PTCHD4: variants seen among roughly 807,000 people sequenced by gnomAD.
The protein encoded by PTCHD4 is patched domain containing 4.
In PTCHD4, 33 loss-of-function variants were observed where a neutral mutation model predicts 58.1. That is an observed-to-expected ratio of 0.57 (90% CI 0.43 to 0.76). The LOEUF (loss-of-function observed/expected upper bound fraction) is 0.76, where lower values mean the gene tolerates loss of function less well. Ranked by LOEUF, PTCHD4 falls within the 30% of genes least tolerant of loss-of-function variation. The pLI, the probability that PTCHD4 is intolerant of heterozygous loss-of-function variation, is 0.00. For synonymous variants in PTCHD4, 478 were observed against 409.6 expected (o/e 1.17, Z -2.02); for missense variants, 1,058 against 1,027.1 (o/e 1.03, Z -0.41).
chr6:47,941,797 T>A (rs1055384240), intron 4 of PTCHD4, among the ~76,000 whole-genome samples: 2 of 152,186 alleles, frequency 1.3e-5, no homozygotes, highest in Non-Finnish European at 2.9e-5. Context: ...TAGAGGCTGA[T>A]ATATGTTTAC....
intron 4 of PTCHD4, among the ~76,000 whole-genome samples, chr6:47,925,769 G>A (rs538782452): frequency 3.9e-5 from 6 of 152,290 alleles, no homozygotes; most frequent in Admixed American, 2.0e-4. Context: ...GTCAGATGCA[G>A]TATTCTGCTT....
intron 4 of PTCHD4, among the ~76,000 whole-genome samples, chr6:47,915,004 T>G (rs1317377910): frequency 6.6e-6 from 1 of 152,100 alleles, no homozygotes. Context: ...TCCTGAATCT[T>G]TATGAGAATT....
intron 1 of PTCHD4, among the ~76,000 whole-genome samples, chr6:48,110,645 A>G (rs913221183): frequency 4.0e-5 from 6 of 151,316 alleles, no homozygotes; most frequent in South Asian, 2.1e-4. Context: ...ACACACACAC[A>G]CACACACACA....
chr6:47,932,361 T>A (rs1270944378), intron 4 of PTCHD4, among the ~76,000 whole-genome samples: 1 of 152,150 alleles, frequency 6.6e-6, no homozygotes, highest in Non-Finnish European at 1.5e-5. Flanking sequence ...AGAATGTTTG[T>A]CAAGAGCAAA....
rs537150317 is a variant in PTCHD4 at position 47,991,679 on chromosome 6, C to T, written c.898+16955G>A. ...TGCTAGACAGCAATATCATGTAAGT[C>T]GGGAGGAAGTCTAAATGGAGCTTAA... On this transcript the variant is annotated intron_variant, in intron 4 of 4. Transcript: ENST00000339488. Among the ~76,000 whole-genome samples, 157 of 151,278 alleles carry T rather than the reference C, an allele frequency of 1.0e-3. 3 individuals carry two copies. Among genetic ancestry groups the T allele is most frequent in the South Asian group, 0.01 (49 of 4,794 alleles).
intron 4 of PTCHD4, among the ~76,000 whole-genome samples, chr6:47,977,710 T>A (rs200567351): frequency 0.14 from 21,805 of 152,104 alleles, 1,807 homozygotes; most frequent in South Asian, 0.25. Context: ...ACATATATAT[T>A]TATAAAATAA....
chr6:47,892,812 C>T (rs73736545), intron 4 of PTCHD4, among the ~76,000 whole-genome samples: 3,881 of 152,250 alleles, frequency 0.025, 163 homozygotes, highest in African/African-American at 0.088. Context: ...TGTTTTGTGG[C>T]CTTTCTTCCC....
At chr6:47,910,150 A>G (rs1042515314) in intron 4 of PTCHD4, among the ~76,000 whole-genome samples, 1 of 152,158 alleles carries the variant, frequency 6.6e-6, no homozygotes, top group South Asian at 2.1e-4. Context: ...TCCATTGTAG[A>G]CATTGATACA....
At position 47,861,576 on chromosome 6, in the gene PTCHD4, C is replaced by A. The variant is rs778816909; in HGVS notation, c.*16727G>T. On this transcript the variant is annotated 3_prime_UTR_variant, in exon 5 of 5. Coordinates refer to ENST00000339488, the MANE Select transcript of PTCHD4 (RefSeq NM_001384253.1). ...ATCTAGTACTCATTGACATTTATGT[C>A]CAACAAACAAAAAAATCAGTATAGC... is the stretch of plus-strand genomic sequence containing the variant. 2.2e-4 allele frequency among the ~76,000 whole-genome samples: 34 copies of A among 151,894 alleles called. No individual in the cohort carries two copies. Among genetic ancestry groups the A allele is most frequent in the Middle Eastern group, 3.4e-3 (1 of 294 alleles).
chr6:47,896,812 A>G (rs1306682470), intron 4 of PTCHD4, among the ~76,000 whole-genome samples: 1 of 152,176 alleles, frequency 6.6e-6, no homozygotes, highest in Non-Finnish European at 1.5e-5. Context: ...TTAATGGTTA[A>G]GAAATGGAGG....
intron 3 of PTCHD4, among the ~76,000 whole-genome samples, chr6:48,048,149 T>C (rs1764106900): frequency 6.6e-6 from 1 of 151,836 alleles, no homozygotes; most frequent in Admixed American, 6.6e-5. Flanking sequence ...GAGAATTTAA[T>C]GTGGTTTCCA....
intron 4 of PTCHD4, among the ~76,000 whole-genome samples, chr6:47,954,315 C>T (rs998649657): frequency 6.6e-6 from 1 of 152,130 alleles, no homozygotes; most frequent in African/African-American, 2.4e-5. Context: ...TGAGATTGCA[C>T]CACTGCACTC....
intron 3 of PTCHD4, among the ~76,000 whole-genome samples, chr6:48,018,565 T>C (rs977055993): frequency 1.3e-5 from 2 of 152,200 alleles, no homozygotes; most frequent in Non-Finnish European, 1.5e-5. Flanking sequence ...TGGAGAAGGA[T>C]AAGGAATTTG....
chr6:47,976,675 T>G (rs1268666558), intron 4 of PTCHD4, among the ~76,000 whole-genome samples: 1 of 148,458 alleles, frequency 6.7e-6, no homozygotes, highest in African/African-American at 2.5e-5. Context: ...AATAAATAAA[T>G]AAATAAATAA....
chr6:48,021,911 T>C (rs1030682903), intron 3 of PTCHD4, among the ~76,000 whole-genome samples: 6 of 152,134 alleles, frequency 3.9e-5, no homozygotes, highest in African/African-American at 1.4e-4. Context: ...GGGATGAAGG[T>C]GGTACCTTTC....
chr6:48,035,960 T>A (rs1763617941), intron 3 of PTCHD4, among the ~76,000 whole-genome samples: 1 of 152,118 alleles, frequency 6.6e-6, no homozygotes. Flanking sequence ...GTGCTCCCTG[T>A]ACTTACTAAG....
chr6:48,045,656 C>G (rs1253521738), intron 3 of PTCHD4, among the ~76,000 whole-genome samples: 1 of 151,772 alleles, frequency 6.6e-6, no homozygotes, highest in African/African-American at 2.4e-5. Context: ...GTAATTATCC[C>G]CATTTTAAAA....
rs11398233 is a variant in PTCHD4 at position 47,859,638 on chromosome 6, G to GA, written c.*18664dup. The stretch of plus-strand genomic sequence containing the variant: ...TGGGCTTATAGCAGTTTACAGAGCA[G>GA]AAAAATATCTCTGCCCCCTTAGAGC... On this transcript the variant is annotated 3_prime_UTR_variant, in exon 5 of 5. Transcript: ENST00000339488. 0.66 allele frequency among the ~76,000 whole-genome samples: 99,094 copies of GA among 151,190 alleles called. 32,906 individuals are homozygous for GA. The highest frequency in any genetic ancestry group is 0.78 in the East Asian group (3,956 of 5,066).
chr6:47,882,580 A>C (rs1055914500), intron 4 of PTCHD4, among the ~76,000 whole-genome samples: 5 of 151,608 alleles, frequency 3.3e-5, no homozygotes, highest in Non-Finnish European at 5.9e-5. Flanking sequence ...CCCTGTGTGC[A>C]TGTTCCTCAT....
Sources: allele counts gnomAD v4.1 joint callset (sites outside exome capture counted in the v4.1 genomes callset), GRCh38; gene constraint gnomAD v4.1.1; transcripts MANE v1.5; gene names NCBI Gene and HGNC (gene_info 2026-07-23, HGNC 2026-07-21).